GAB2: variants seen among roughly 807,000 people sequenced by gnomAD.
The protein encoded by GAB2 is GRB2 associated binding protein 2.
GAB2 carries 26 observed loss-of-function variants against 65.5 expected under a neutral mutation model. The ratio of observed to expected loss-of-function variants is 0.40; its 90% CI spans 0.29 to 0.55. The LOEUF is 0.55. Ranked by LOEUF, GAB2 falls within the 20% of genes least tolerant of loss-of-function variation. GAB2 has a pLI of 0.53. For synonymous variants in GAB2, 321 were observed against 329.6 expected (o/e 0.97, Z 0.28); for missense variants, 884 against 875.8 (o/e 1.01, Z -0.12).
intron 1 of GAB2, among the ~76,000 whole-genome samples, chr11:78,403,448 A>T (rs1040694676): frequency 6.6e-6 from 1 of 152,226 alleles, no homozygotes; most frequent in Non-Finnish European, 1.5e-5. Flanking sequence ...GTAGGACAGA[A>T]GTCACCTTTG....
intron 1 of GAB2, among the ~76,000 whole-genome samples, chr11:78,411,655 G>A (rs1857130336): frequency 6.6e-6 from 1 of 151,968 alleles, no homozygotes; most frequent in Non-Finnish European, 1.5e-5. Context: ...CTCAATCTAA[G>A]TCTCACATCT....
chr11:78,407,327 C>A (rs112155417), intron 1 of GAB2, among the ~76,000 whole-genome samples: 1 of 151,754 alleles, frequency 6.6e-6, no homozygotes, highest in Non-Finnish European at 1.5e-5. Context: ...AATCATTGAA[C>A]GCATCCAGAG....
intron 1 of GAB2, among the ~76,000 whole-genome samples, chr11:78,291,549 T>TTTTTTC (rs1214233360): frequency 3.0e-5 from 3 of 100,480 alleles, no homozygotes; most frequent in South Asian, 5.6e-4. Context: ...AGAGACTTAC[T>TTTTTTC]TTTTTCTTTT....
At chr11:78,362,864 G>A (rs1856451899) in intron 1 of GAB2, among the ~76,000 whole-genome samples, 2 of 152,130 alleles carry the variant, frequency 1.3e-5, no homozygotes, top group African/African-American at 4.8e-5. Context: ...AGGTAAAAAG[G>A]CAAAGAGGGT....
intron 1 of GAB2, among the ~76,000 whole-genome samples, chr11:78,287,532 C>T (rs530031131): frequency 6.6e-6 from 1 of 152,278 alleles, no homozygotes; most frequent in African/African-American, 2.4e-5. Flanking sequence ...CCTGCCTTGG[C>T]CTCCCAAAAT....
At chr11:78,410,258 C>A (rs1857109548) in intron 1 of GAB2, among the ~76,000 whole-genome samples, 1 of 152,228 alleles carries the variant, frequency 6.6e-6, no homozygotes, top group Non-Finnish European at 1.5e-5. Context: ...AATTGCAGCA[C>A]TTTGGGAGGC....
chr11:78,371,471 A>G (rs1010612861), intron 1 of GAB2, among the ~76,000 whole-genome samples: 7 of 152,240 alleles, frequency 4.6e-5, no homozygotes, highest in South Asian at 2.1e-4. Flanking sequence ...TGCCTCTTAC[A>G]TAAGAGGGGC....
chr11:78,353,077 G>A (rs1049962673), intron 1 of GAB2, among the ~76,000 whole-genome samples: 1 of 152,174 alleles, frequency 6.6e-6, no homozygotes, highest in Admixed American at 6.5e-5. Context: ...CCAGCAGCAT[G>A]AGCATCATCT....
intron 1 of GAB2, among the ~76,000 whole-genome samples, chr11:78,340,919 G>A (rs1288157367): frequency 6.6e-6 from 1 of 152,208 alleles, no homozygotes; most frequent in Non-Finnish European, 1.5e-5. Context: ...CAGCCGCATG[G>A]AAGCAGGAAG....
At position 78,348,230 on chromosome 11, in the gene GAB2, G is replaced by A. The variant is rs114516215; in HGVS notation, c.76-67329C>T. Among the ~76,000 whole-genome samples the A allele has an allele frequency of 6.3e-3, 962 of 152,174 alleles. 10 individuals are homozygous for A. The highest frequency in any genetic ancestry group is 0.022 in the African/African-American group (903 of 41,538). On this transcript the variant is annotated intron_variant, in intron 1 of 9. Transcript: ENST00000361507. ...AAGCACACTCAGTGTCACTTTTACT[G>A]AAAAGAATCCAAGTATAAATGGACC...
chr11:78,386,755 T>C (rs1182369883), intron 1 of GAB2, among the ~76,000 whole-genome samples: 1 of 152,190 alleles, frequency 6.6e-6, no homozygotes, highest in Admixed American at 6.5e-5. Context: ...AAGTAAGGCA[T>C]GTGGCTTAGA....
At chr11:78,315,325 G>A (rs1855580579) in intron 1 of GAB2, among the ~76,000 whole-genome samples, 1 of 152,108 alleles carries the variant, frequency 6.6e-6, no homozygotes. Context: ...ATAGCAAGAA[G>A]CCTGCTTTTA....
chr11:78,404,538 G>A lies in GAB2; in HGVS notation c.75+13108C>T, dbSNP rs116120419. 8.4e-3 allele frequency among the ~76,000 whole-genome samples: 1,278 copies of A among 152,304 alleles called. 13 individuals carry two copies. Among genetic ancestry groups the A allele is most frequent in the African/African-American group, 0.029 (1,203 of 41,564 alleles). Reference sequence around the variant, plus strand: ...CCTCTTGGTAACAGAGCAAGACTCCGTCTTGAAAACAACAATAACAATGGA... The same window carrying A: ...CCTCTTGGTAACAGAGCAAGACTCCATCTTGAAAACAACAATAACAATGGA... On this transcript the variant is annotated intron_variant, in intron 1 of 9. Transcript: ENST00000361507.
At chr11:78,294,243 T>G (rs1156507839) in intron 1 of GAB2, among the ~76,000 whole-genome samples, 6 of 152,230 alleles carry the variant, frequency 3.9e-5, no homozygotes, top group Admixed American at 3.9e-4. Flanking sequence ...ACAAAGGACA[T>G]GAACTCATTT....
intron 2 of GAB2, among the ~76,000 whole-genome samples, chr11:78,275,542 T>A (rs1866143108): frequency 6.6e-6 from 1 of 152,204 alleles, no homozygotes. Context: ...TAACCCATCA[T>A]GTGACTGAAT....
At chr11:78,316,811 G>T (rs965510530) in intron 1 of GAB2, among the ~76,000 whole-genome samples, 10 of 152,112 alleles carry the variant, frequency 6.6e-5, no homozygotes, top group Admixed American at 2.0e-4. Flanking sequence ...CTGAAAGCAG[G>T]AACACAAACG....
intron 1 of GAB2, among the ~76,000 whole-genome samples, chr11:78,360,040 AAG>A (rs1378475071): frequency 6.6e-6 from 1 of 152,176 alleles, no homozygotes; most frequent in Non-Finnish European, 1.5e-5. Context: ...AGAGGGACAG[AAG>A]AGAGAGGAGG....
chr11:78,283,553 C>G (rs1044064790), intron 1 of GAB2, among the ~76,000 whole-genome samples: 1 of 152,112 alleles, frequency 6.6e-6, no homozygotes, highest in African/African-American at 2.4e-5. Flanking sequence ...TGTTTCCTCC[C>G]CTCCTATTCG....
intron 2 of GAB2, among the ~76,000 whole-genome samples, chr11:78,260,647 T>C (rs2512536): frequency 0.16 from 24,464 of 151,904 alleles, 2,435 homozygotes; most frequent in East Asian, 0.4. Context: ...AATTTTTGTA[T>C]TTTTAGTAGT....
Sources: gnomAD v4.1 joint callset for allele counts (sites outside exome capture counted in the v4.1 genomes callset) on GRCh38, gnomAD v4.1.1 for gene constraint, MANE v1.5 for transcripts, NCBI Gene and HGNC (gene_info 2026-07-23, HGNC 2026-07-21) for gene names.